ZNF385B: variants seen among roughly 807,000 people sequenced by gnomAD.
ZNF385B encodes the protein zinc finger protein 385B.
In ZNF385B, 23 loss-of-function variants were observed where a neutral mutation model predicts 39.2. That is an observed-to-expected ratio of 0.59 (90% CI 0.42 to 0.83). The LOEUF (loss-of-function observed/expected upper bound fraction) is 0.83, where lower values mean the gene tolerates loss of function less well. Among genes scored for constraint, ZNF385B ranks in the 40% least tolerant of loss-of-function variants. The pLI is 0.00. For synonymous variants in ZNF385B, 205 were observed against 222.6 expected, an observed-to-expected ratio of 0.92 and a Z score of 0.70; for missense variants, 552 against 598.9, an observed-to-expected ratio of 0.92 and a Z score of 0.82.
chr2:179,830,188 A>T (rs1273507943), intron 1 of ZNF385B, among the ~76,000 whole-genome samples: 2 of 152,218 alleles, frequency 1.3e-5, no homozygotes, highest in Non-Finnish European at 2.9e-5. Context: ...AATAGCTATG[A>T]ATAAAATTCT....
chr2:179,703,292 C>A (rs1455138059), intron 3 of ZNF385B, among the ~76,000 whole-genome samples: 1 of 152,152 alleles, frequency 6.6e-6, no homozygotes, highest in Non-Finnish European at 1.5e-5. Context: ...GCTTAGAATG[C>A]ACTTCCCCAG....
At chr2:179,563,023 A>T (rs1270290407) in intron 3 of ZNF385B, among the ~76,000 whole-genome samples, 2 of 152,142 alleles carry the variant, frequency 1.3e-5, no homozygotes, top group Non-Finnish European at 2.9e-5. Context: ...TTTCCCATGG[A>T]TTTTTAGGTT....
intron 5 of ZNF385B, among the ~76,000 whole-genome samples, chr2:179,484,913 C>G (rs1310566621): frequency 6.6e-6 from 1 of 152,032 alleles, no homozygotes; most frequent in Non-Finnish European, 1.5e-5. Context: ...AGTACTGACG[C>G]TAGAGTGCCG....
intron 3 of ZNF385B, among the ~76,000 whole-genome samples, chr2:179,579,049 G>C (rs1686183024): frequency 6.6e-6 from 1 of 151,994 alleles, no homozygotes; most frequent in Non-Finnish European, 1.5e-5. Context: ...TAAATTACCT[G>C]ACAAATCTGG....
intron 6 of ZNF385B, among the ~76,000 whole-genome samples, chr2:179,447,448 A>G (rs1158900718): frequency 6.6e-6 from 1 of 152,324 alleles, no homozygotes; most frequent in African/African-American, 2.4e-5. Flanking sequence ...TCATTTAAAG[A>G]CATTTTGGCA....
chr2:179,478,137 A>G (rs76473875), intron 6 of ZNF385B, among the ~76,000 whole-genome samples: 1 of 152,228 alleles, frequency 6.6e-6, no homozygotes, highest in Non-Finnish European at 1.5e-5. Context: ...GCAACCTGAC[A>G]TAAACCACCT....
At chr2:179,631,020 T>C (rs1389770352) in intron 3 of ZNF385B, among the ~76,000 whole-genome samples, 2 of 152,010 alleles carry the variant, frequency 1.3e-5, no homozygotes, top group African/African-American at 4.8e-5. Flanking sequence ...GGGGGCTATG[T>C]GAAAAGACCA....
At chr2:179,771,069 G>C (rs938752805) in intron 1 of ZNF385B, among the ~76,000 whole-genome samples, 4 of 152,132 alleles carry the variant, frequency 2.6e-5, no homozygotes, top group Non-Finnish European at 5.9e-5. Context: ...GTATGTGTGG[G>C]AAAGAATGGC....
At chr2:179,591,259 C>A (rs1405396749) in intron 3 of ZNF385B, among the ~76,000 whole-genome samples, 4 of 151,802 alleles carry the variant, frequency 2.6e-5, no homozygotes, top group Non-Finnish European at 5.9e-5. Context: ...TCTATATTAT[C>A]TGTATAGTGT....
intron 1 of ZNF385B, among the ~76,000 whole-genome samples, chr2:179,794,262 C>T (rs1017986248): frequency 1.2e-4 from 18 of 152,138 alleles, no homozygotes. Flanking sequence ...GCCCACCCAA[C>T]CTCCACAGGT....
chr2:179,550,739 T>A (rs915997416), intron 3 of ZNF385B, among the ~76,000 whole-genome samples: 2 of 149,478 alleles, frequency 1.3e-5, no homozygotes, highest in East Asian at 1.9e-4. Flanking sequence ...AAAGTGCATT[T>A]TTTTGAACAA....
intron 3 of ZNF385B, among the ~76,000 whole-genome samples, chr2:179,590,012 T>C (rs1347779737): frequency 6.6e-6 from 1 of 152,086 alleles, no homozygotes; most frequent in Non-Finnish European, 1.5e-5. Flanking sequence ...TAGCAGAAAA[T>C]ACATGTTTAA....
At chr2:179,829,356 T>C (rs1032634111) in intron 1 of ZNF385B, among the ~76,000 whole-genome samples, 7 of 152,208 alleles carry the variant, frequency 4.6e-5, no homozygotes, top group South Asian at 4.1e-4. Flanking sequence ...TGTACATACA[T>C]ATAGAAAAAT....
At chr2:179,516,353 T>C (rs1163182759) in intron 5 of ZNF385B, among the ~76,000 whole-genome samples, 2 of 152,098 alleles carry the variant, frequency 1.3e-5, no homozygotes, top group Non-Finnish European at 2.9e-5. Flanking sequence ...TTATTAATAA[T>C]TGCTAAATTG....
At chr2:179,717,873 GT>G (rs1209072606) in intron 3 of ZNF385B, among the ~76,000 whole-genome samples, 1 of 151,492 alleles carries the variant, frequency 6.6e-6, no homozygotes, top group African/African-American at 2.4e-5. Context: ...TTATTACGTT[GT>G]ATGTAATTAT....
intron 3 of ZNF385B, among the ~76,000 whole-genome samples, chr2:179,738,000 C>A (rs1701871085): frequency 6.6e-6 from 1 of 152,158 alleles, no homozygotes; most frequent in Non-Finnish European, 1.5e-5. Flanking sequence ...ATCATAGAGT[C>A]TGAAGTTAGA....
chr2:179,563,477 T>C (rs1442331720), intron 3 of ZNF385B, among the ~76,000 whole-genome samples: 2 of 152,198 alleles, frequency 1.3e-5, no homozygotes, highest in Non-Finnish European at 2.9e-5. Flanking sequence ...CAGCCAACAC[T>C]TTAGTGACGT....
chr2:179,700,782 G>A (rs1699132091), intron 3 of ZNF385B, among the ~76,000 whole-genome samples: 1 of 152,144 alleles, frequency 6.6e-6, no homozygotes, highest in African/African-American at 2.4e-5. Context: ...GGAAGGCTGA[G>A]GCAGGCGGAT....
chr2:179,461,392 T>C (rs2051328026), intron 6 of ZNF385B, among the ~76,000 whole-genome samples: 1 of 152,172 alleles, frequency 6.6e-6, no homozygotes, highest in Non-Finnish European at 1.5e-5. Flanking sequence ...GTGGTAGTGG[T>C]AGAGAATTGA....
Sources: allele counts gnomAD v4.1 joint callset (sites outside exome capture counted in the v4.1 genomes callset), GRCh38; gene constraint gnomAD v4.1.1; transcripts MANE v1.5; gene names NCBI Gene and HGNC (gene_info 2026-07-23, HGNC 2026-07-21).